PTBP1: variants seen among roughly 807,000 people sequenced by gnomAD.
PTBP1 encodes the protein polypyrimidine tract binding protein 1.
Under a neutral mutation model 59.8 loss-of-function variants are expected in PTBP1, and 8 were observed. The observed-to-expected ratio is 0.13, with a 90% CI of 0.08 to 0.24. The LOEUF is 0.24. PTBP1 is among the 10% of genes least tolerant of loss of function. PTBP1 has a pLI of 1.00. For synonymous variants in PTBP1, 490 were observed against 320.7 expected (o/e 1.53, Z -5.64); for missense variants, 686 against 767.0 (o/e 0.89, Z 1.25).
In PTBP1 at chr19:798,872, C is replaced by T. The variant is rs1230895598; in HGVS notation, c.9-541C>T. 5.9e-5 allele frequency among the ~76,000 whole-genome samples: 9 copies of T among 152,222 alleles called. 1 individual carries two copies. The South Asian group carries it at 1.4e-3, about 25-fold the overall frequency. ...GTTGATCAGTAACTGAGGCTGTGTT[C>T]TGGTCGGTCTGTTAATTTTTATTGA... is the stretch of plus-strand genomic sequence containing the variant. On this transcript the variant is annotated intron_variant, in intron 1 of 14. Coordinates refer to ENST00000356948, the MANE Select transcript of PTBP1 (RefSeq NM_002819.5).
chr19:802,988 G>C (rs1474602856), intron 2 of PTBP1, among the ~76,000 whole-genome samples: 1 of 152,198 alleles, frequency 6.6e-6, no homozygotes, highest in Non-Finnish European at 1.5e-5. Context: ...CCTCAGTCTC[G>C]CGTGTGCAGA....
chr19:800,678 TC>T (rs2034293746), intron 2 of PTBP1, among the ~76,000 whole-genome samples: 1 of 152,320 alleles, frequency 6.6e-6, no homozygotes, highest in African/African-American at 2.4e-5. Context: ...GCCCCGATCT[TC>T]CTGGAGATAA....
intron 2 of PTBP1, among the ~76,000 whole-genome samples, chr19:802,353 C>A (rs575191472): frequency 6.6e-6 from 1 of 152,004 alleles, no homozygotes; most frequent in South Asian, 2.1e-4. Context: ...TAAGAGAAGA[C>A]CAAGCGCAGG....
chr19:797,636 C>T (rs1599210817), intron 1 of PTBP1, 131 bp downstream of exon 1: 8 of 503,410 alleles, frequency 1.6e-5, no homozygotes, highest in African/African-American at 1.0e-4. Flanking sequence ...TCTCCCCTTC[C>T]TCTCCGCGTG....
At chr19:805,644 G>C in intron 9 of PTBP1, 75 bp downstream of exon 9, 1 of 1,318,480 alleles carries the variant, frequency 7.6e-7, no homozygotes, top group Non-Finnish European at 1.1e-6. Context: ...CCGCATCCAC[G>C]GCGGCAGCCT....
intron 2 of PTBP1, 56 bp downstream of exon 2, chr19:799,499 C>G (rs1233803847): frequency 6.4e-7 from 1 of 1,569,164 alleles, no homozygotes; most frequent in Non-Finnish European, 8.8e-7. Context: ...GTGCCGACCC[C>G]GGGGGCCACC....
Position 811,135 on chromosome 19 carries a change from GAC to G in PTBP1, c.*310_*311del, listed in dbSNP as rs1272669538. 1 of 266,044 alleles carries G rather than the reference GAC, an allele frequency of 3.8e-6. No individual in the cohort carries two copies. The highest frequency in any genetic ancestry group is 7.0e-6 in the Non-Finnish European group (1 of 142,416). The allele number at this position is 266,044 out of a possible 1,614,324, so 16.5% of individuals were successfully genotyped here. On this transcript the variant is annotated 3_prime_UTR_variant, in exon 15 of 15. Coordinates refer to ENST00000356948, the MANE Select transcript of PTBP1 (RefSeq NM_002819.5). The stretch of plus-strand genomic sequence containing the variant: ...CGTGGGGCCTGCAGGTGGGCGCCCC[GAC>G]CACGACTTGGCTTCCTTGTGCCTTA...
chr19:806,106 C>G (rs1372208509), intron 9 of PTBP1: 3 of 328,952 alleles, frequency 9.1e-6, no homozygotes, highest in African/African-American at 2.2e-5. Context: ...GCCCTGCTTG[C>G]CGAGGGCCCC....
chr19:799,320 G>T (rs753028804), intron 1 of PTBP1, 93 bp from the exon 2 acceptor site: 1 of 1,161,674 alleles, frequency 8.6e-7, no homozygotes, highest in Non-Finnish European at 1.3e-6. Flanking sequence ...CAGCTGCAGG[G>T]ACCTACGGGC....
chr19:805,080 G>C lies in PTBP1; in HGVS notation c.785G>C (p.Ser262Thr), dbSNP rs1303915102. The change falls in exon 8 of 15, where the codon AGC (serine) becomes ACC (threonine). Residue 262 changes from serine to threonine, a missense_variant. Physicochemically the swap from Ser to Thr is moderately conservative, Grantham distance 58. Transcript: ENST00000356948. ...CGCATCGACTTTTCCAAGCTCACCA[G>C]CCTCAACGTCAAGTACAACAATGAC... ...TLRIDFSKLT[S>T]LNVKYNNDKS... 1.9e-6 allele frequency: 3 copies of C among 1,613,790 alleles called. No individual in the cohort carries two copies. The highest frequency in any genetic ancestry group is 2.5e-6 in the Non-Finnish European group (3 of 1,179,902).
At chr19:810,368 T>G (rs978864234) in intron 13 of PTBP1, among the ~76,000 whole-genome samples, 175 bp from the exon 14 acceptor site, 1 of 152,200 alleles carries the variant, frequency 6.6e-6, no homozygotes, top group African/African-American at 2.4e-5. Context: ...CCTGGTTTCG[T>G]TAGAAGCTGC....
chr19:807,781 C>T, intron 10 of PTBP1, 88 bp from the exon 11 acceptor site: 1 of 1,020,234 alleles, frequency 9.8e-7, no homozygotes, highest in South Asian at 1.3e-5. Context: ...CGGGGACTGT[C>T]TTCCTCGTGT....
chr19:804,469 C>G, intron 5 of PTBP1, 31 bp downstream of exon 5: 2 of 1,601,170 alleles, frequency 1.2e-6, no homozygotes, highest in Non-Finnish European at 1.7e-6. Flanking sequence ...CCCCAGCAGC[C>G]CGGGGACCTC....
intron 1 of PTBP1, 135 bp downstream of exon 1, chr19:797,640 C>G: frequency 2.1e-6 from 1 of 478,824 alleles, no homozygotes; most frequent in Non-Finnish European, 3.1e-6. Flanking sequence ...CCCTTCCTCT[C>G]CGCGTGGCGG....
intron 9 of PTBP1, chr19:806,174 G>A (rs962001540): frequency 4.0e-5 from 18 of 448,078 alleles, no homozygotes; most frequent in Non-Finnish European, 4.7e-5. Flanking sequence ...GCATGCAGAT[G>A]AGCCCAGGCC....
rs756260935 is a variant in PTBP1 at position 804,916 on chromosome 19, G to C, written c.694G>C (p.Val232Leu). The C allele has an allele frequency of 6.2e-7, 1 of 1,613,736 alleles. No individual in the cohort carries two copies. The highest frequency in any genetic ancestry group is 1.7e-5 in the Admixed American group (1 of 59,994). ...FQALLQYADPVSAQHAKLSLD... is the reference protein window; with the variant it reads ...FQALLQYADPLSAQHAKLSLD... ...GGCCCTGCTGCAGTATGCGGACCCC[G>C]TGAGCGCCCAGCACGCCAAGCTGGT... is the stretch of plus-strand genomic sequence containing the variant. The change falls in exon 7 of 15, where the codon GTG (valine) becomes CTG (leucine). Residue 232 changes from valine to leucine, a missense_variant. Transcript: ENST00000356948.
intron 10 of PTBP1, chr19:807,635 G>T: frequency 4.2e-6 from 2 of 475,510 alleles, no homozygotes; most frequent in Non-Finnish European, 7.4e-6. Flanking sequence ...GCTTCCTGTT[G>T]TTGCTTGAAA....
rs764439536 is a variant in PTBP1 at position 804,512 on chromosome 19, C to CA, written c.436-19dup. ...GGCCCAGCCGCAGGGGCCGGGGACTCACGGCTGTGCCTCCCACAGCGGGCC... is the reference window on the plus strand; with the variant it reads ...GGCCCAGCCGCAGGGGCCGGGGACTCAACGGCTGTGCCTCCCACAGCGGGCC... On this transcript the variant is annotated intron_variant, in intron 5 of 14. Transcript: ENST00000356948. 252 of 1,596,080 alleles carry CA rather than the reference C, an allele frequency of 1.6e-4. No homozygotes were observed. The highest frequency in any genetic ancestry group is 2.0e-4 in the Non-Finnish European group (240 of 1,174,176).
At chr19:800,423 G>A (rs1339789587) in intron 2 of PTBP1, among the ~76,000 whole-genome samples, 1 of 152,208 alleles carries the variant, frequency 6.6e-6, no homozygotes, top group Non-Finnish European at 1.5e-5. Flanking sequence ...AAGGTCCTGG[G>A]GAGGCGATTC....
Sources: allele counts gnomAD v4.1 joint callset (sites outside exome capture counted in the v4.1 genomes callset), GRCh38; gene constraint gnomAD v4.1.1; transcripts MANE v1.5; gene names NCBI Gene and HGNC (gene_info 2026-07-23, HGNC 2026-07-21).